Variants in PAX7 observed in about 807,000 individuals in gnomAD.
PAX7 encodes paired box protein Pax-7.
Under a neutral mutation model 50.7 loss-of-function variants are expected in PAX7, and 18 were observed. That is an observed-to-expected ratio of 0.36 (90% CI 0.25 to 0.53). PAX7 has a LOEUF of 0.53. Ranked by LOEUF, PAX7 falls within the 20% of genes least tolerant of loss-of-function variation. The pLI, the probability that PAX7 is intolerant of heterozygous loss-of-function variation, is 0.93. For synonymous variants in PAX7, 310 were observed against 290.4 expected (o/e 1.07, Z -0.69); for missense variants, 644 against 702.9 (o/e 0.92, Z 0.95).
At position 18,723,553 on chromosome 1, in the gene PAX7, G is replaced by T. The variant is rs550314150; in HGVS notation, c.1156-12079G>T. ...AGGAGGAGGACCTGGGTCAGAGCTA[G>T]CTCTTTGTAGGTCAAGACCAGGAGA... On this transcript the variant is annotated intron_variant, in intron 7 of 8. Coordinates refer to ENST00000420770, the MANE Select transcript of PAX7 (RefSeq NM_001135254.2). 3.0e-4 allele frequency among the ~76,000 whole-genome samples: 46 copies of T among 152,362 alleles called. No homozygotes were observed. The South Asian group carries it at 9.3e-3, about 31-fold the overall frequency.
intron 4 of PAX7, among the ~76,000 whole-genome samples, chr1:18,641,758 T>C (rs1408626997): frequency 6.6e-6 from 1 of 152,172 alleles, no homozygotes; most frequent in Non-Finnish European, 1.5e-5. Flanking sequence ...AGGGGAGATT[T>C]ACCAGACAGT....
Position 18,748,221 on chromosome 1 carries a change from T to G in PAX7, c.*3292T>G, listed in dbSNP as rs1269440917. 2 of 225,456 alleles carry G rather than the reference T, an allele frequency of 8.9e-6. No homozygotes were observed. Among genetic ancestry groups the G allele is most frequent in the Non-Finnish European group, 1.8e-5 (2 of 113,244 alleles). 14.0% of individuals were successfully genotyped at this position (225,456 alleles called of 1,614,324 possible). On this transcript the variant is annotated 3_prime_UTR_variant, in exon 9 of 9. Coordinates refer to ENST00000420770, the MANE Select transcript of PAX7 (RefSeq NM_001135254.2). ...TTGAGAACAGGACGGGTCCCAGAGTTTGACCACTGCCAGAATCCAGTGTTT... is the reference window on the plus strand; with the variant it reads ...TTGAGAACAGGACGGGTCCCAGAGTGTGACCACTGCCAGAATCCAGTGTTT...
chr1:18,707,322 A>G (rs1301909804), intron 7 of PAX7, among the ~76,000 whole-genome samples: 1 of 150,594 alleles, frequency 6.6e-6, no homozygotes, highest in Non-Finnish European at 1.5e-5. Flanking sequence ...TGTTTTACTT[A>G]TATTAATCCA....
Position 18,634,739 on chromosome 1 carries a change from A to G in PAX7, c.321+201A>G, listed in dbSNP as rs897205327. ...AGCTAAGTGAGGTCTAGGTTGTGCA[A>G]GACCTTGAGGCCAATGAGCCATTCC... On this transcript the variant is annotated intron_variant, in intron 2 of 8. Transcript: ENST00000420770. This position sits in a 1 kb window ranked among gnomAD's most constrained non-coding sequence, Gnocchi z 4.0. 1.3e-5 allele frequency among the ~76,000 whole-genome samples: 2 copies of G among 152,208 alleles called. No individual in the cohort carries two copies. Among genetic ancestry groups the G allele is most frequent in the Admixed American group, 6.5e-5 (1 of 15,280 alleles).
At chr1:18,707,973 T>A (rs754212757) in intron 7 of PAX7, among the ~76,000 whole-genome samples, 3 of 152,128 alleles carry the variant, frequency 2.0e-5, no homozygotes, top group Non-Finnish European at 4.4e-5. Context: ...GGGCAAATGC[T>A]TTTCAGGAGG....
chr1:18,745,734 A>T lies in PAX7; in HGVS notation c.*805A>T. 1 of 231,600 alleles carries T rather than the reference A, an allele frequency of 4.3e-6. No individual in the cohort carries two copies. Among genetic ancestry groups the T allele is most frequent in the Non-Finnish European group, 8.5e-6 (1 of 116,970 alleles). The allele number at this position is 231,600 out of a possible 1,614,324, so 14.3% of individuals were successfully genotyped here. ...CAGAGGGCTCTTATCCTGAAGCCCA[A>T]GTTCCCAGCATGTCCACTCCATCTG... On this transcript the variant is annotated 3_prime_UTR_variant, in exon 9 of 9. Coordinates refer to ENST00000420770, the MANE Select transcript of PAX7 (RefSeq NM_001135254.2).
chr1:18,637,280 C>T (rs2088177448), intron 4 of PAX7, among the ~76,000 whole-genome samples: 1 of 152,136 alleles, frequency 6.6e-6, no homozygotes, highest in Non-Finnish European at 1.5e-5. Flanking sequence ...TTCCTCATTG[C>T]CCTCATAATT....
chr1:18,732,354 G>A (rs116578891), intron 7 of PAX7, among the ~76,000 whole-genome samples: 90 of 152,256 alleles, frequency 5.9e-4, no homozygotes, highest in African/African-American at 2.1e-3. Flanking sequence ...GTTTGTTAAA[G>A]GAATACACAT....
intron 8 of PAX7, among the ~76,000 whole-genome samples, chr1:18,741,029 C>A (rs531826709): frequency 5.1e-4 from 78 of 152,204 alleles, no homozygotes; most frequent in African/African-American, 1.9e-3. Context: ...TTAATGGGTG[C>A]AAACATACAG....
chr1:18,686,411 G>C (rs1441406107), intron 4 of PAX7, among the ~76,000 whole-genome samples: 1 of 152,168 alleles, frequency 6.6e-6, no homozygotes, highest in East Asian at 1.9e-4. Context: ...TAGTGCGAGG[G>C]CAGGAGCCCA....
chr1:18,638,516 T>A (rs2088197760), intron 4 of PAX7, among the ~76,000 whole-genome samples: 1 of 152,218 alleles, frequency 6.6e-6, no homozygotes, highest in African/African-American at 2.4e-5. Flanking sequence ...GCAGTGAGCC[T>A]GGTCTCCAGA....
intron 5 of PAX7, among the ~76,000 whole-genome samples, chr1:18,699,845 G>C (rs1264482782): frequency 6.6e-6 from 1 of 152,102 alleles, no homozygotes; most frequent in Non-Finnish European, 1.5e-5. Flanking sequence ...ACAGGTGTGA[G>C]CCGCTGCGCC....
intron 4 of PAX7, among the ~76,000 whole-genome samples, chr1:18,646,546 G>A (rs1282143138): frequency 6.6e-6 from 1 of 152,200 alleles, no homozygotes; most frequent in Non-Finnish European, 1.5e-5. Flanking sequence ...GGGTGCAGGC[G>A]GGCAGAGGGT....
At chr1:18,690,617 A>G (rs533533288) in intron 4 of PAX7, among the ~76,000 whole-genome samples, 1 of 152,136 alleles carries the variant, frequency 6.6e-6, no homozygotes, top group African/African-American at 2.4e-5. Flanking sequence ...GATAACCCCA[A>G]CCAGGCCTGG....
intron 4 of PAX7, among the ~76,000 whole-genome samples, chr1:18,640,836 G>A (rs1172615469): frequency 6.6e-6 from 1 of 151,416 alleles, no homozygotes; most frequent in African/African-American, 2.4e-5. Context: ...GGGGCGCGCC[G>A]GGCCGGGGGC....
rs563373505 is a variant in PAX7, at chr1:18,738,372, G to A, written c.1402+2494G>A. Reference sequence around the variant, plus strand: ...GCAGGCGTTAGTCACACCCAAGCTCGGTGCCCTGCTCCAGGGGCGCCTGCT... The same window carrying A: ...GCAGGCGTTAGTCACACCCAAGCTCAGTGCCCTGCTCCAGGGGCGCCTGCT... On this transcript the variant is annotated intron_variant, in intron 8 of 8. Coordinates refer to ENST00000420770, the MANE Select transcript of PAX7 (RefSeq NM_001135254.2). 7.2e-5 allele frequency among the ~76,000 whole-genome samples: 11 copies of A among 152,238 alleles called. No homozygotes were observed. In the South Asian group the frequency reaches 1.5e-3, roughly 20 times the overall value.
chr1:18,657,366 G>A (rs2088537070), intron 4 of PAX7, among the ~76,000 whole-genome samples: 1 of 151,806 alleles, frequency 6.6e-6, no homozygotes, highest in South Asian at 2.1e-4. Flanking sequence ...AGTGCTCAGA[G>A]GAGGAAAAAC....
Position 18,745,189 on chromosome 1 carries a change from CA to C in PAX7, c.*263del. 1 of 514,810 alleles carries C rather than the reference CA, an allele frequency of 1.9e-6. No individual in the cohort carries two copies. The highest frequency in any genetic ancestry group is 3.5e-6 in the Non-Finnish European group (1 of 287,354). The allele number at this position is 514,810 out of a possible 1,614,324, so 31.9% of individuals were successfully genotyped here. A position where few individuals can be genotyped will look rare whatever the true frequency, so the allele number is the denominator to read the frequency against. On this transcript the variant is annotated 3_prime_UTR_variant, in exon 9 of 9. Coordinates refer to ENST00000420770, the MANE Select transcript of PAX7 (RefSeq NM_001135254.2). ...TGGTCAGCCTGAGGTCCTCCCCTGT[CA>C]AATCCCATGGTGGCCTCTGTGCCAT...
chr1:18,700,605 C>G lies in PAX7; in HGVS notation c.787-48C>G. On this transcript the variant is annotated intron_variant, in intron 5 of 8. Transcript: ENST00000420770. The surrounding 1 kb of genome is among the most constrained non-coding windows in gnomAD (Gnocchi z 4.8). ...GGTCTACATGTGTTGCAGCTCTCTG[C>G]CAGGAACCTGGCCGAGGGGTCTCCA... 6.8e-7 allele frequency: 1 copy of G among 1,469,210 alleles called. No individual in the cohort carries two copies. The highest frequency in any genetic ancestry group is 9.0e-7 in the Non-Finnish European group (1 of 1,107,902). The allele number at this position is 1,469,210 out of a possible 1,614,324, so 91.0% of individuals were successfully genotyped here. A position where few individuals can be genotyped will look rare whatever the true frequency, so the allele number is the denominator to read the frequency against.
Sources: gnomAD v4.1 joint callset for allele counts (sites outside exome capture counted in the v4.1 genomes callset) on GRCh38, gnomAD v4.1.1 for gene constraint, Gnocchi (gnomAD v3.1) non-coding constraint, MANE v1.5 for transcripts, NCBI Gene and HGNC (gene_info 2026-07-23, HGNC 2026-07-21) for gene names.